KCNQ5: variants seen among roughly 807,000 people sequenced by gnomAD.
The protein encoded by KCNQ5 is potassium voltage-gated channel subfamily Q member 5, also known as potassium voltage-gated channel subfamily KQT member 5.
KCNQ5 carries 30 observed loss-of-function variants against 98.2 expected under a neutral mutation model. The observed-to-expected ratio is 0.31, with a 90% confidence interval of 0.23 to 0.41. The LOEUF (loss-of-function observed/expected upper bound fraction) is 0.41. Among genes scored for constraint, KCNQ5 ranks in the 10% least tolerant of loss-of-function variants. The probability of loss-of-function intolerance (pLI) is 1.00; values close to 1 mark genes in which losing one functional copy is unlikely to be tolerated. For synonymous variants in KCNQ5, 458 were observed against 449.4 expected, an observed-to-expected ratio of 1.02 and a Z score of -0.24; for missense variants, 835 against 1,182.5, an observed-to-expected ratio of 0.71 and a Z score of 4.31.
intron 1 of KCNQ5, among the ~76,000 whole-genome samples, chr6:72,731,558 C>T (rs6453600): frequency 0.37 from 55,655 of 152,054 alleles, 13,810 homozygotes; most frequent in African/African-American, 0.67. Flanking sequence ...ATCTCCATCC[C>T]CAAGTTTGCC....
intron 1 of KCNQ5, among the ~76,000 whole-genome samples, chr6:72,917,443 T>C (rs2150212510): frequency 1.4e-5 from 2 of 146,970 alleles, no homozygotes; most frequent in East Asian, 4.1e-4. Context: ...CCCACCATTT[T>C]TTTATTTTTA....
rs7746067 is a variant in KCNQ5 at position 72,650,370 on chromosome 6, C to G, written c.398+27783C>G. Among the ~76,000 whole-genome samples, 1,403 of 151,932 alleles carry G rather than the reference C, an allele frequency of 9.2e-3. 12 individuals carry two copies. Among genetic ancestry groups the G allele is most frequent in the East Asian group, 0.02 (104 of 5,160 alleles). On this transcript the variant is annotated intron_variant, in intron 1 of 13. Transcript: ENST00000370398. ...GTCAAATGAAATGCAAAAAGAAAAACGGAAAGAAAACTATTTCAAATACCT... is the reference window on the plus strand; with the variant it reads ...GTCAAATGAAATGCAAAAAGAAAAAGGGAAAGAAAACTATTTCAAATACCT...
intron 1 of KCNQ5, among the ~76,000 whole-genome samples, chr6:72,708,458 G>A (rs1769201376): frequency 6.6e-6 from 1 of 152,110 alleles, no homozygotes; most frequent in South Asian, 2.1e-4. Context: ...AAATCACTTC[G>A]AATTTTACTC....
chr6:72,735,696 A>G (rs1770791625), intron 1 of KCNQ5, among the ~76,000 whole-genome samples: 1 of 152,052 alleles, frequency 6.6e-6, no homozygotes, highest in South Asian at 2.1e-4. Context: ...ACTATTGGTG[A>G]CTAGTAGTTA....
chr6:73,104,775 G>A (rs1774935226), intron 5 of KCNQ5, among the ~76,000 whole-genome samples: 1 of 152,154 alleles, frequency 6.6e-6, no homozygotes, highest in African/African-American at 2.4e-5. Flanking sequence ...TGTGTGGCAT[G>A]TTTCTCTTAT....
At chr6:72,674,141 G>C (rs187066259) in intron 1 of KCNQ5, among the ~76,000 whole-genome samples, 1 of 151,960 alleles carries the variant, frequency 6.6e-6, no homozygotes, top group Admixed American at 6.5e-5. Flanking sequence ...GATCCTTTTT[G>C]GAAACAGGAG....
At chr6:73,056,307 G>A (rs1003029598) in intron 3 of KCNQ5, among the ~76,000 whole-genome samples, 2 of 152,082 alleles carry the variant, frequency 1.3e-5, no homozygotes, top group African/African-American at 2.4e-5. Context: ...GCATGGTGAT[G>A]TGACAACTGT....
rs554109682 is a variant in KCNQ5, at chr6:72,732,506, G to A, written c.398+109919G>A. On this transcript the variant is annotated intron_variant, in intron 1 of 13. Coordinates refer to ENST00000370398, the MANE Select transcript of KCNQ5 (RefSeq NM_019842.4). ...AAGTCTAGCAAGTGAAAGAGAGTGC[G>A]GTTTATTCAAGGGCTTTGCCCACTC... 5.9e-5 allele frequency among the ~76,000 whole-genome samples: 9 copies of A among 152,220 alleles called. No individual in the cohort carries two copies. The South Asian group carries it at 1.7e-3, about 28-fold the overall frequency.
chr6:72,889,559 G>C (rs777580943), intron 1 of KCNQ5, among the ~76,000 whole-genome samples: 1 of 152,120 alleles, frequency 6.6e-6, no homozygotes, highest in Non-Finnish European at 1.5e-5. Flanking sequence ...CCTTGACTCA[G>C]CATCTACTAT....
chr6:72,779,334 C>A (rs1438959844), intron 1 of KCNQ5, among the ~76,000 whole-genome samples: 2 of 152,126 alleles, frequency 1.3e-5, no homozygotes, highest in African/African-American at 4.8e-5. Context: ...AGGGATATTT[C>A]TTTTTCAGGC....
intron 7 of KCNQ5, among the ~76,000 whole-genome samples, chr6:73,117,723 G>A (rs185192159): frequency 2.0e-5 from 3 of 152,298 alleles, no homozygotes; most frequent in East Asian, 1.9e-4. Flanking sequence ...TAAGGCAGCC[G>A]TCTGTGTCAT....
chr6:73,142,678 G>A (rs993290581), intron 10 of KCNQ5, among the ~76,000 whole-genome samples: 1 of 152,176 alleles, frequency 6.6e-6, no homozygotes, highest in Admixed American at 6.5e-5. Flanking sequence ...CACTTTGGGA[G>A]GCTGAGGGGG....
At chr6:73,002,741 T>C (rs762354841) in intron 1 of KCNQ5, among the ~76,000 whole-genome samples, 1 of 152,140 alleles carries the variant, frequency 6.6e-6, no homozygotes, top group South Asian at 2.1e-4. Context: ...AAAGCAGCCA[T>C]AGACAATACA....
chr6:72,781,576 T>C (rs566983627), intron 1 of KCNQ5, among the ~76,000 whole-genome samples: 2 of 152,336 alleles, frequency 1.3e-5, no homozygotes, highest in South Asian at 2.1e-4. Context: ...ATTTGCCTGA[T>C]AGATTAATCT....
chr6:73,157,568 G>T, intron 10 of KCNQ5: 1 of 761,168 alleles, frequency 1.3e-6, no homozygotes. Flanking sequence ...CAGAGGAAGG[G>T]AACCAGCGCA....
intron 1 of KCNQ5, among the ~76,000 whole-genome samples, chr6:72,834,057 A>C (rs896273360): frequency 9.9e-5 from 15 of 152,260 alleles, no homozygotes; most frequent in Admixed American, 5.9e-4. Context: ...TAGGATGGGG[A>C]AGAAAAGGGA....
intron 1 of KCNQ5, among the ~76,000 whole-genome samples, chr6:72,675,692 A>G (rs1767373510): frequency 6.6e-6 from 1 of 152,222 alleles, no homozygotes; most frequent in Non-Finnish European, 1.5e-5. Context: ...AGTTTTCCAG[A>G]ATGACTCCCA....
intron 1 of KCNQ5, among the ~76,000 whole-genome samples, chr6:72,939,626 G>T (rs1250238124): frequency 1.3e-5 from 2 of 152,110 alleles, no homozygotes; most frequent in Non-Finnish European, 2.9e-5. Flanking sequence ...GAGGAGAGAA[G>T]CCTCATGTAT....
At chr6:73,131,875 A>G (rs558220915) in intron 9 of KCNQ5, among the ~76,000 whole-genome samples, 1 of 152,190 alleles carries the variant, frequency 6.6e-6, no homozygotes, top group Non-Finnish European at 1.5e-5. Context: ...TGTTCTTTGC[A>G]TGTGCCTTCA....
Sources: gnomAD v4.1 joint callset for allele counts (sites outside exome capture counted in the v4.1 genomes callset) on GRCh38, gnomAD v4.1.1 for gene constraint, MANE v1.5 for transcripts, NCBI Gene and HGNC (gene_info 2026-07-23, HGNC 2026-07-21) for gene names.